The following THSD4 variants were observed in gnomAD, a reference collection of about 807,000 sequenced individuals.
THSD4 encodes the protein thrombospondin type 1 domain containing 4.
In THSD4, 69 loss-of-function variants were observed where a neutral mutation model predicts 119.0. The ratio of observed to expected loss-of-function variants is 0.58; its 90% confidence interval spans 0.48 to 0.71. The LOEUF is 0.71. THSD4 is among the 30% of genes least tolerant of loss of function. THSD4 has a pLI of 0.00. For missense variants in THSD4, 1,393 were observed against 1,391.1 expected (o/e 1.00, Z -0.02); for synonymous variants, 524 against 540.4 (o/e 0.97, Z 0.42).
intron 7 of THSD4, among the ~76,000 whole-genome samples, chr15:71,421,351 G>C (rs879273955): frequency 0.4 from 42,736 of 106,496 alleles, 9,880 homozygotes; most frequent in Admixed American, 0.5. Flanking sequence ...GTAGGATAGG[G>C]CTTGTGTTGA....
chr15:71,120,331 C>CT (rs770291014), intron 1 of THSD4, among the ~76,000 whole-genome samples: 3 of 152,232 alleles, frequency 2.0e-5, no homozygotes, highest in Non-Finnish European at 2.9e-5. Context: ...AAAGTGGTCT[C>CT]TTTCTGTTGA....
intron 3 of THSD4, among the ~76,000 whole-genome samples, chr15:71,203,192 A>AC (rs1567156165): frequency 2.6e-5 from 4 of 152,122 alleles, no homozygotes; most frequent in Non-Finnish European, 5.9e-5. Flanking sequence ...TGGTGTGAGC[A>AC]TAGGGGGACA....
At chr15:71,098,849 C>T (rs2040242598) in intron 1 of THSD4, among the ~76,000 whole-genome samples, 1 of 152,146 alleles carries the variant, frequency 6.6e-6, no homozygotes, top group Non-Finnish European at 1.5e-5. Flanking sequence ...ATATTAACTA[C>T]ATTAAAAATA....
At chr15:71,590,632 T>C (rs2049778507) in intron 7 of THSD4, among the ~76,000 whole-genome samples, 1 of 151,246 alleles carries the variant, frequency 6.6e-6, no homozygotes, top group South Asian at 2.1e-4. Context: ...GATGGGATGA[T>C]CTGTGCAGCA....
At chr15:71,111,372 T>G (rs1215391836), upstream of THSD4, 14 of 1,613,314 alleles carry the variant, frequency 8.7e-6, no homozygotes, top group African/African-American at 1.3e-5. Flanking sequence ...AAGTAGAGAG[T>G]CAGCCCCAGG....
At chr15:71,771,991 C>G (rs939262195) in intron 17 of THSD4, among the ~76,000 whole-genome samples, 1 of 152,142 alleles carries the variant, frequency 6.6e-6, no homozygotes, top group Non-Finnish European at 1.5e-5. Context: ...AGATGCATCT[C>G]CAGAGGCATA....
At chr15:71,285,830 G>T (rs1395636178) in intron 6 of THSD4, among the ~76,000 whole-genome samples, 2 of 120,262 alleles carry the variant, frequency 1.7e-5, no homozygotes, top group Non-Finnish European at 3.2e-5. Flanking sequence ...CTCCAGCCTG[G>T]GTGACAGAGC....
intron 6 of THSD4, among the ~76,000 whole-genome samples, chr15:71,309,634 T>C (rs1243357029): frequency 1.3e-5 from 2 of 152,220 alleles, no homozygotes; most frequent in African/African-American, 4.8e-5. Context: ...TTTAGATCCC[T>C]GACCCATTTT....
At chr15:71,623,994 C>G (rs2050464938) in intron 7 of THSD4, among the ~76,000 whole-genome samples, 1 of 151,594 alleles carries the variant, frequency 6.6e-6, no homozygotes, top group Admixed American at 6.6e-5. Flanking sequence ...ATGAACCAGA[C>G]AGATGTCATG....
chr15:71,623,926 G>GAAAA (rs11450708), intron 7 of THSD4, among the ~76,000 whole-genome samples: 12 of 136,476 alleles, frequency 8.8e-5, no homozygotes, highest in Non-Finnish European at 7.9e-5. Flanking sequence ...TCCCTCTCAA[G>GAAAA]AAAAAAAAAA....
intron 7 of THSD4, among the ~76,000 whole-genome samples, chr15:71,548,407 A>G (rs560898484): frequency 1.1e-3 from 166 of 152,370 alleles, no homozygotes; most frequent in African/African-American, 3.8e-3. Context: ...CTTGTCAGGG[A>G]CCAAGCAGGC....
intron 4 of THSD4, among the ~76,000 whole-genome samples, chr15:71,222,795 C>G (rs1265537226): frequency 6.6e-6 from 1 of 152,112 alleles, no homozygotes; most frequent in African/African-American, 2.4e-5. Context: ...ATGACTGGGG[C>G]TTTGAAATAC....
chr15:71,254,518 G>C (rs1164866339), intron 5 of THSD4, among the ~76,000 whole-genome samples: 5 of 152,106 alleles, frequency 3.3e-5, no homozygotes, highest in Non-Finnish European at 7.4e-5. Flanking sequence ...TATATTCCTG[G>C]GCTCTCATCC....
chr15:71,709,001 G>A (rs1020401788), intron 8 of THSD4, among the ~76,000 whole-genome samples: 1 of 152,218 alleles, frequency 6.6e-6, no homozygotes, highest in African/African-American at 2.4e-5. Flanking sequence ...CTGGACTACC[G>A]TGGACTGTGC....
At position 71,498,959 on chromosome 15, in the gene THSD4, C is replaced by A. The variant is rs181141656; in HGVS notation, c.1152+87136C>A. ...AACTCAAGCAGTCCACCTGCCTTGA[C>A]CTCCTAAAGTGCTGGGATTACAGGT... On this transcript the variant is annotated intron_variant, in intron 7 of 17. Coordinates refer to ENST00000261862, the MANE Select transcript of THSD4 (RefSeq NM_024817.3). Among the ~76,000 whole-genome samples the A allele has an allele frequency of 2.0e-5, 3 of 151,814 alleles. No individual in the cohort carries two copies. In the East Asian group the frequency reaches 5.8e-4, roughly 29 times the overall value.
In THSD4 at chr15:71,361,936, T is replaced by C. The variant is rs114007603; in HGVS notation, c.1016-49751T>C. Among the ~76,000 whole-genome samples, 1,310 of 152,316 alleles carry C rather than the reference T, an allele frequency of 8.6e-3. 28 individuals carry two copies. Among genetic ancestry groups the C allele is most frequent in the African/African-American group, 0.03 (1,243 of 41,564 alleles). On this transcript the variant is annotated intron_variant, in intron 6 of 17. Coordinates refer to ENST00000261862, the MANE Select transcript of THSD4 (RefSeq NM_024817.3). ...ATATACATACATATTTGGTCAAATA[T>C]GCATAAAATATATCTGGAAGGAAAC...
At position 71,737,783 on chromosome 15, in the gene THSD4, G is replaced by C. The variant is rs529901418; in HGVS notation, c.1682G>C (p.Gly561Ala). The C allele has an allele frequency of 6.2e-7, 1 of 1,614,178 alleles. No individual in the cohort carries two copies. Among genetic ancestry groups the C allele is most frequent in the East Asian group, 2.2e-5 (1 of 44,890 alleles). ...ACAGAAGGCAGGAGCCAGGAGGAGG[G>C]AGAACAGAAAGGGAGGAACGAGGAG... The part of the protein sequence containing the change: ...MVTEGRSQEE[G>A]EQKGRNEEKE... Residue 561 changes from glycine to alanine, a missense_variant, in exon 11 of 18, where the codon GGA becomes GCA. By Grantham distance (60) the Gly-to-Ala change is moderately conservative. Transcript: ENST00000261862.
At chr15:71,540,746 T>A (rs1301611114) in intron 7 of THSD4, among the ~76,000 whole-genome samples, 2 of 81,710 alleles carry the variant, frequency 2.4e-5, no homozygotes, top group Non-Finnish European at 5.0e-5. Flanking sequence ...TTTTTTTTTT[T>A]AAACGAGTCT....
chr15:71,450,524 G>A (rs1228718123), intron 7 of THSD4, among the ~76,000 whole-genome samples: 1 of 152,088 alleles, frequency 6.6e-6, no homozygotes, highest in Non-Finnish European at 1.5e-5. Context: ...CTGCTCTCCA[G>A]GTTTCAGTTT....
Sources: gnomAD v4.1 joint callset for allele counts (sites outside exome capture counted in the v4.1 genomes callset) on GRCh38, gnomAD v4.1.1 for gene constraint, MANE v1.5 for transcripts, NCBI Gene and HGNC (gene_info 2026-07-23, HGNC 2026-07-21) for gene names.